ARHGAP39: variants seen among roughly 807,000 people sequenced by gnomAD.
The protein encoded by ARHGAP39 is rho GTPase-activating protein 39.
In ARHGAP39, 44 loss-of-function variants were observed where a neutral mutation model predicts 106.9. That is an observed-to-expected ratio of 0.41 (90% CI 0.32 to 0.53). The LOEUF (loss-of-function observed/expected upper bound fraction) is 0.53. Ranked by LOEUF, ARHGAP39 falls within the 20% of genes least tolerant of loss-of-function variation. The pLI, the probability that ARHGAP39 is intolerant of heterozygous loss-of-function variation, is 0.21. For missense variants in ARHGAP39, 1,496 were observed against 1,577.3 expected (o/e 0.95, Z 0.87); for synonymous variants, 768 against 693.2 (o/e 1.11, Z -1.69).
chr8:144,533,687 C>G (rs1341738182), intron 8 of ARHGAP39, among the ~76,000 whole-genome samples: 1 of 152,254 alleles, frequency 6.6e-6, no homozygotes, highest in East Asian at 1.9e-4. Context: ...CTGGGCCGGC[C>G]AGGGCTGTTG....
At chr8:144,675,883 C>T (rs1410249801) in intron 1 of ARHGAP39, among the ~76,000 whole-genome samples, 1 of 152,156 alleles carries the variant, frequency 6.6e-6, no homozygotes, top group Non-Finnish European at 1.5e-5. Flanking sequence ...GTCTTCCTGG[C>T]TTCAGGAGTG....
At position 144,545,787 on chromosome 8, in the gene ARHGAP39, G is replaced by A. The variant is rs747167061; in HGVS notation, c.1983C>T (p.Ala661=). The A allele has an allele frequency of 1.0e-5, 16 of 1,574,014 alleles. No individual in the cohort carries two copies. The highest frequency in any genetic ancestry group is 1.7e-5 in the Admixed American group (1 of 58,136). ...GGCTCTGCCGGCTGCTCTCGAACTG[G>A]GCACAGGCAGCGAGGTCCTCAGACT... is the stretch of plus-strand genomic sequence containing the variant. ...PSQSEDLAAC[A]QFESSRQSRS... Residue 661 remains alanine, a synonymous_variant, in exon 6 of 12, where the codon GCC becomes GCT. Coordinates refer to ENST00000377307, the MANE Select transcript of ARHGAP39 (RefSeq NM_025251.3).
In ARHGAP39 at chr8:144,679,335, G is replaced by T. The variant is rs181855873; in HGVS notation, c.-82+6351C>A. Among the ~76,000 whole-genome samples the T allele has an allele frequency of 1.6e-4, 24 of 152,316 alleles. 1 individual carries two copies. The highest frequency in any genetic ancestry group is 5.8e-4 in the African/African-American group (24 of 41,572). On this transcript the variant is annotated intron_variant, in intron 1 of 11. Transcript: ENST00000377307. The surrounding 1 kb of genome is among the most constrained non-coding windows in gnomAD (Gnocchi z 4.7). ...TGCTTTGGTCCGTGGACCCTGAGAT[G>T]CCAGTCCAGGATGGTGCCGGAAAAG...
intron 2 of ARHGAP39, among the ~76,000 whole-genome samples, chr8:144,588,562 G>C (rs569461559): frequency 4.5e-4 from 69 of 152,378 alleles, no homozygotes; most frequent in African/African-American, 1.6e-3. Context: ...CTGGGTGCGG[G>C]AGGCGGGGCT....
At chr8:144,696,410 AT>A in the ARHGAP39 span, among the ~76,000 whole-genome samples, 1 of 152,204 alleles carries the variant, frequency 6.6e-6, no homozygotes, top group African/African-American at 2.4e-5. Context: ...AAGTGCTGGG[AT>A]TACAGGGTGA....
intron 9 of ARHGAP39, among the ~76,000 whole-genome samples, 161 bp downstream of exon 9, chr8:144,532,965 G>A (rs564763666): frequency 1.9e-4 from 29 of 152,344 alleles, no homozygotes; most frequent in Non-Finnish European, 3.8e-4. Flanking sequence ...ACACCCTCAG[G>A]GTCAGCTTCC....
rs533440164 is a variant in ARHGAP39 at position 144,632,485 on chromosome 8, G to T, written c.-81-26790C>A. Among the ~76,000 whole-genome samples, 10 of 152,358 alleles carry T rather than the reference G, an allele frequency of 6.6e-5. No individual in the cohort carries two copies. In the East Asian group the frequency reaches 1.9e-3, roughly 29 times the overall value. ...CACGAGGACTGTGTGTCAATGAGTG[G>T]TGGGCTTGCCTGGTGGAACTGGCGA... On this transcript the variant is annotated intron_variant, in intron 1 of 11. Coordinates refer to ENST00000377307, the MANE Select transcript of ARHGAP39 (RefSeq NM_025251.3).
intron 4 of ARHGAP39, among the ~76,000 whole-genome samples, chr8:144,550,881 G>A (rs964576338): frequency 5.3e-5 from 8 of 152,342 alleles, no homozygotes; most frequent in South Asian, 2.1e-4. Context: ...TCGGGAGATC[G>A]GGGGTTGAAC....
At position 144,558,031 on chromosome 8, in the gene ARHGAP39, A is replaced by G. The variant is rs529137998; in HGVS notation, c.513-2388T>C. On this transcript the variant is annotated intron_variant, in intron 3 of 11. Transcript: ENST00000377307. ...AGACCTCACTTACGTACCACCTGCC[A>G]TCAGAGGCTGTGCTGTGTGGTGGTG... Among the ~76,000 whole-genome samples, 4 of 152,364 alleles carry G rather than the reference A, an allele frequency of 2.6e-5. No individual in the cohort carries two copies. The East Asian group carries it at 7.7e-4, about 29-fold the overall frequency.
Position 144,530,468 on chromosome 8 carries a change from A to G in ARHGAP39, c.3299T>C (p.Val1100Ala). 2.5e-6 allele frequency: 4 copies of G among 1,610,990 alleles called. No individual in the cohort carries two copies. The highest frequency in any genetic ancestry group is 3.4e-6 in the Non-Finnish European group (4 of 1,179,120). Residue 1100 changes from valine to alanine, a missense_variant, in exon 12 of 12, where the codon GTG becomes GCG. By Grantham distance (64) the Val-to-Ala change is moderately conservative (BLOSUM62 0). Transcript: ENST00000377307. ...GCTGGTGTCCAGGTGCTGGATGAGC[A>G]CCCGCAGGAAGGACATCTCCTTGCG... ...NTRKEMSFLR[V>A]LIQHLDTSFM... is the part of the protein sequence containing the mutation.
rs1336761330 is a variant in ARHGAP39 at position 144,670,053 on chromosome 8, A to C, written c.-82+15633T>G. 1.3e-5 allele frequency among the ~76,000 whole-genome samples: 2 copies of C among 152,266 alleles called. No individual in the cohort carries two copies. Among genetic ancestry groups the C allele is most frequent in the African/African-American group, 4.8e-5 (2 of 41,468 alleles). ...ATGGAAACAACTCAAAATGCCCAGCAATGGATGAAAGTCTAAAGGAAACGG... is the reference window on the plus strand; with the variant it reads ...ATGGAAACAACTCAAAATGCCCAGCCATGGATGAAAGTCTAAAGGAAACGG... On this transcript the variant is annotated intron_variant, in intron 1 of 11. Transcript: ENST00000377307. This position sits in a 1 kb window ranked among gnomAD's most constrained non-coding sequence, Gnocchi z 4.4.
At chr8:144,605,387 G>C (rs1305507820) in intron 2 of ARHGAP39, 148 bp downstream of exon 2, 4 of 780,530 alleles carry the variant, frequency 5.1e-6, no homozygotes, top group Non-Finnish European at 8.4e-6. Context: ...TGCACAGGTG[G>C]CATCGGCCAT....
chr8:144,586,357 A>G lies in ARHGAP39; in HGVS notation c.81-5080T>C, dbSNP rs1263690490. 6.6e-6 allele frequency: 1 copy of G among 152,250 alleles called. No individual in the cohort carries two copies. Among genetic ancestry groups the G allele is most frequent in the Non-Finnish European group, 1.5e-5 (1 of 68,076 alleles). The allele number at this position is 152,250 out of a possible 1,614,324, so 9.4% of individuals were successfully genotyped here. ...CGTTTCTCACACTGCTGGAAGTGCA[A>G]TCAGCTCAGCCCTCTGCCCAGAATC... On this transcript the variant is annotated intron_variant, in intron 2 of 11. Coordinates refer to ENST00000377307, the MANE Select transcript of ARHGAP39 (RefSeq NM_025251.3). The surrounding 1 kb of genome is among the most constrained non-coding windows in gnomAD (Gnocchi z 4.2).
intron 1 of ARHGAP39, among the ~76,000 whole-genome samples, chr8:144,663,652 G>A (rs1821889681): frequency 6.6e-6 from 1 of 152,100 alleles, no homozygotes; most frequent in African/African-American, 2.4e-5. Context: ...ACCCTCTCCA[G>A]CTACACCCAT....
intron 6 of ARHGAP39, among the ~76,000 whole-genome samples, chr8:144,541,628 TG>T (rs1190306208): frequency 6.6e-6 from 1 of 152,236 alleles, no homozygotes; most frequent in Non-Finnish European, 1.5e-5. Context: ...ATCTCTATCC[TG>T]ACTGGCTTCT....
chr8:144,533,742 C>T (rs1187875804), intron 8 of ARHGAP39, among the ~76,000 whole-genome samples: 1 of 152,176 alleles, frequency 6.6e-6, no homozygotes, highest in Non-Finnish European at 1.5e-5. Context: ...GGTGAAACTT[C>T]CAGAAGTCTG....
chr8:144,620,577 G>A (rs531224056), intron 1 of ARHGAP39, among the ~76,000 whole-genome samples: 1 of 152,324 alleles, frequency 6.6e-6, no homozygotes, highest in South Asian at 2.1e-4. Flanking sequence ...GTGTCCATGA[G>A]AGCATGTGTG....
intron 1 of ARHGAP39, among the ~76,000 whole-genome samples, chr8:144,642,614 T>C (rs922289828): frequency 3.9e-5 from 6 of 152,062 alleles, no homozygotes; most frequent in Non-Finnish European, 8.8e-5. Flanking sequence ...AGGGACCTAG[T>C]GGGAGGTAAC....
rs1044589153 is a variant in ARHGAP39 at position 144,641,814 on chromosome 8, AG to A, written c.-81-36120del. Among the ~76,000 whole-genome samples, 3 of 152,166 alleles carry A rather than the reference AG, an allele frequency of 2.0e-5. No individual in the cohort carries two copies. The highest frequency in any genetic ancestry group is 2.1e-4 in the South Asian group (1 of 4,826). On this transcript the variant is annotated intron_variant, in intron 1 of 11. Transcript: ENST00000377307. This position sits in a 1 kb window ranked among gnomAD's most constrained non-coding sequence, Gnocchi z 5.2. ...GTGCATTTACCCATCATGCAAGGAG[AG>A]GGGGACATCCCATCACAGTGCAGCC...
Sources: gnomAD v4.1 joint callset for allele counts (sites outside exome capture counted in the v4.1 genomes callset) on GRCh38, gnomAD v4.1.1 for gene constraint, Gnocchi (gnomAD v3.1) non-coding constraint, MANE v1.5 for transcripts, NCBI Gene and HGNC (gene_info 2026-07-23, HGNC 2026-07-21) for gene names.